Variants in KCNJ6 observed in about 807,000 individuals in gnomAD.
KCNJ6 encodes the protein G protein-activated inward rectifier potassium channel 2.
KCNJ6 carries 9 observed loss-of-function variants against 34.2 expected under a neutral mutation model. The observed-to-expected ratio is 0.26, with a 90% CI of 0.16 to 0.46. The LOEUF (loss-of-function observed/expected upper bound fraction) is 0.46, where lower values mean the gene tolerates loss of function less well. Ranked by LOEUF, KCNJ6 falls within the 20% of genes least tolerant of loss-of-function variation. The probability of loss-of-function intolerance (pLI) is 1.00; values close to 1 mark genes in which losing one functional copy is unlikely to be tolerated. For missense variants in KCNJ6, 236 were observed against 531.3 expected (o/e 0.44, Z 5.46); for synonymous variants, 196 against 207.1 (o/e 0.95, Z 0.46).
At chr21:37,786,925 A>G (rs1013424980) in intron 2 of KCNJ6, among the ~76,000 whole-genome samples, 2 of 152,142 alleles carry the variant, frequency 1.3e-5, no homozygotes, top group African/African-American at 4.8e-5. Context: ...CTCTGTGTCT[A>G]TATTCTATTT....
At chr21:37,729,471 G>A (rs555840869) in intron 2 of KCNJ6, among the ~76,000 whole-genome samples, 23 of 152,148 alleles carry the variant, frequency 1.5e-4, no homozygotes, top group East Asian at 7.8e-4. Context: ...CTATAGGCAC[G>A]GGCCACCATG....
intron 2 of KCNJ6, among the ~76,000 whole-genome samples, chr21:37,793,718 A>C (rs1368942613): frequency 1.3e-5 from 2 of 152,170 alleles, no homozygotes; most frequent in African/African-American, 4.8e-5. Flanking sequence ...AGGGGTGTTA[A>C]GCACTTGGCC....
At chr21:37,815,593 G>T (rs572327142) in intron 2 of KCNJ6, among the ~76,000 whole-genome samples, 1 of 152,252 alleles carries the variant, frequency 6.6e-6, no homozygotes, top group South Asian at 2.1e-4. Flanking sequence ...GGTCCTCCAC[G>T]GAAGTCCTGA....
At chr21:37,639,465 A>G (rs1237664137) in intron 3 of KCNJ6, among the ~76,000 whole-genome samples, 2 of 152,188 alleles carry the variant, frequency 1.3e-5, no homozygotes, top group Non-Finnish European at 2.9e-5. Flanking sequence ...TATGTTATCC[A>G]TTGCATAAAC....
chr21:37,692,523 C>A lies in KCNJ6; in HGVS notation c.946+21688G>T, dbSNP rs140162584. Among the ~76,000 whole-genome samples the A allele has an allele frequency of 3.3e-5, 5 of 152,214 alleles. No individual in the cohort carries two copies. In the East Asian group the frequency reaches 9.6e-4, roughly 29 times the overall value. On this transcript the variant is annotated intron_variant, in intron 3 of 3. Transcript: ENST00000609713. ...TTTAGTGCAACAATTTGGAAACTGA[C>A]GGGAATGTGGGGGGCCAATAGGAAC...
chr21:37,813,167 A>G (rs2055330943), intron 2 of KCNJ6, among the ~76,000 whole-genome samples: 1 of 152,230 alleles, frequency 6.6e-6, no homozygotes, highest in South Asian at 2.1e-4. Context: ...CAATTACAAT[A>G]GCCACATATA....
At chr21:37,729,054 T>C (rs1251768825) in intron 2 of KCNJ6, among the ~76,000 whole-genome samples, 1 of 152,126 alleles carries the variant, frequency 6.6e-6, no homozygotes, top group Non-Finnish European at 1.5e-5. Flanking sequence ...TTTGAAGTCA[T>C]AGGTGTATGT....
At chr21:37,718,852 AAAC>A (rs991401337) in intron 2 of KCNJ6, among the ~76,000 whole-genome samples, 117 of 152,318 alleles carry the variant, frequency 7.7e-4, no homozygotes, top group African/African-American at 2.6e-3. Context: ...GGAAACAAAA[AAAC>A]AACAAAAATT....
chr21:37,807,879 G>C (rs1439175092), intron 2 of KCNJ6, among the ~76,000 whole-genome samples: 4 of 152,196 alleles, frequency 2.6e-5, no homozygotes, highest in Non-Finnish European at 5.9e-5. Flanking sequence ...AGATGTGGCA[G>C]TAGCCTGCAC....
At chr21:37,780,653 T>A (rs1413955223) in intron 2 of KCNJ6, among the ~76,000 whole-genome samples, 1 of 152,178 alleles carries the variant, frequency 6.6e-6, no homozygotes, top group African/African-American at 2.4e-5. Context: ...CTAAAACTCT[T>A]CTTAAAAATA....
At chr21:37,774,438 C>T (rs935254582) in intron 2 of KCNJ6, among the ~76,000 whole-genome samples, 10 of 151,792 alleles carry the variant, frequency 6.6e-5, no homozygotes, top group South Asian at 2.1e-4. Context: ...CATGTTGGTG[C>T]GCTGCACCCA....
intron 3 of KCNJ6, among the ~76,000 whole-genome samples, chr21:37,691,650 G>A (rs1179689057): frequency 3.3e-5 from 5 of 152,176 alleles, no homozygotes; most frequent in Non-Finnish European, 5.9e-5. Context: ...TACGGTCTCT[G>A]TTCTAGCTTT....
At chr21:37,704,638 G>A (rs1372552298) in intron 3 of KCNJ6, among the ~76,000 whole-genome samples, 1 of 148,272 alleles carries the variant, frequency 6.7e-6, no homozygotes, top group Non-Finnish European at 1.5e-5. Flanking sequence ...ATCTTCCTAG[G>A]ATGGCCTCAG....
At chr21:37,827,143 A>T (rs758085159) in intron 2 of KCNJ6, among the ~76,000 whole-genome samples, 29 of 152,182 alleles carry the variant, frequency 1.9e-4, no homozygotes, top group Non-Finnish European at 3.4e-4. Context: ...CTAAGCAGGG[A>T]ATGATATTTG....
At chr21:37,658,095 T>G (rs1484150155) in intron 3 of KCNJ6, among the ~76,000 whole-genome samples, 1 of 151,520 alleles carries the variant, frequency 6.6e-6, no homozygotes, top group African/African-American at 2.4e-5. Flanking sequence ...TGGAACAGAA[T>G]TGCTTCTAAC....
intron 3 of KCNJ6, among the ~76,000 whole-genome samples, chr21:37,665,752 CCG>C (rs1214556754): frequency 3.3e-5 from 5 of 151,010 alleles, no homozygotes; most frequent in East Asian, 1.9e-4. Context: ...ATTTTTGTAG[CCG>C]AGCGTTGCTG....
intron 1 of KCNJ6, among the ~76,000 whole-genome samples, chr21:37,871,662 G>A (rs1309858279): frequency 1.3e-5 from 2 of 152,242 alleles, no homozygotes; most frequent in East Asian, 3.8e-4. Flanking sequence ...GAAGAACAGT[G>A]TGCTCTTGCA....
chr21:37,652,185 C>G (rs2835866), intron 3 of KCNJ6, among the ~76,000 whole-genome samples: 22,199 of 152,162 alleles, frequency 0.15, 2,476 homozygotes, highest in African/African-American at 0.3. Flanking sequence ...CAGGAAGCTT[C>G]AGGTCATAGG....
chr21:37,761,171 TTGTGTGTGCA>T (rs1447169022), intron 2 of KCNJ6, among the ~76,000 whole-genome samples: 78 of 144,394 alleles, frequency 5.4e-4, no homozygotes, highest in Middle Eastern at 3.5e-3. Context: ...TGTATGTGTG[TTGTGTGTGCA>T]TGTGTGTGCG....
Sources: gnomAD v4.1 joint callset for allele counts (sites outside exome capture counted in the v4.1 genomes callset) on GRCh38, gnomAD v4.1.1 for gene constraint, MANE v1.5 for transcripts, NCBI Gene and HGNC (gene_info 2026-07-23, HGNC 2026-07-21) for gene names.